Variants in AURKB observed in about 807,000 individuals in gnomAD.
AURKB encodes aurora kinase B, also known as aurora kinase B-Sv1.
In AURKB, 28 loss-of-function variants were observed where a neutral mutation model predicts 36.5. The ratio of observed to expected loss-of-function variants is 0.77; its 90% CI spans 0.57 to 1.05. AURKB has a LOEUF of 1.05. AURKB is among the 50% of genes least tolerant of loss of function. The pLI is 0.00. For synonymous variants in AURKB, 175 were observed against 172.9 expected (o/e 1.01, Z -0.09); for missense variants, 383 against 447.4 (o/e 0.86, Z 1.30).
chr17:8,204,764 C>A lies in AURKB; in HGVS notation c.*107G>T. 1 of 1,447,248 alleles carries A rather than the reference C, an allele frequency of 6.9e-7. No individual in the cohort carries two copies. The highest frequency in any genetic ancestry group is 9.5e-7 in the Non-Finnish European group (1 of 1,055,762). 89.7% of individuals were successfully genotyped at this position (1,447,248 alleles called of 1,614,324 possible). A position where few individuals can be genotyped will look rare whatever the true frequency, so the allele number is the denominator to read the frequency against. On this transcript the variant is annotated 3_prime_UTR_variant, in exon 9 of 9. Transcript: ENST00000585124. ...ACAAAAAGCTTCAGCCTTTATTAAA[C>A]AAAGGAGGAGGTAGAAAACAGATAA...
chr17:8,209,984 C>T (rs1985889188), intron 2 of AURKB, 193 bp downstream of exon 2: 4 of 687,320 alleles, frequency 5.8e-6, no homozygotes, highest in South Asian at 3.6e-5. Context: ...GTCAGATTCA[C>T]GTTGGCAGCA....
At chr17:8,207,539 C>T (rs1985496515) in intron 4 of AURKB, 32 bp downstream of exon 4, 1 of 1,608,362 alleles carries the variant, frequency 6.2e-7, no homozygotes, top group Non-Finnish European at 8.5e-7. Flanking sequence ...TGTCCCCTCA[C>T]CCCCGTCCAC....
rs1985970988 is a variant in AURKB, at chr17:8,210,565, C to A, written c.-61G>T. 1 of 368,830 alleles carries A rather than the reference C, an allele frequency of 2.7e-6. No individual in the cohort carries two copies. Among genetic ancestry groups the A allele is most frequent in the Non-Finnish European group, 4.9e-6 (1 of 202,724 alleles). 22.8% of individuals were successfully genotyped at this position (368,830 alleles called of 1,614,324 possible). A position where few individuals can be genotyped will look rare whatever the true frequency, so the allele number is the denominator to read the frequency against. Reference sequence around the variant, plus strand: ...AGGCACTGCTACTCTCCCGGCCGCCCGCAAACAACTGAATCTGCCACGCCG... The same window carrying A: ...AGGCACTGCTACTCTCCCGGCCGCCAGCAAACAACTGAATCTGCCACGCCG... On this transcript the variant is annotated 5_prime_UTR_variant, in exon 1 of 9. Coordinates refer to ENST00000585124, the MANE Select transcript of AURKB (RefSeq NM_004217.4).
At chr17:8,205,417 G>C in intron 7 of AURKB, 27 bp from the exon 8 acceptor site, 1 of 1,609,304 alleles carries the variant, frequency 6.2e-7, no homozygotes, top group East Asian at 2.2e-5. Flanking sequence ...GCGTGGGCAG[G>C]GGTCCTAGTG....
At chr17:8,207,454 T>G (rs972706964) in intron 4 of AURKB, 87 bp from the exon 5 acceptor site, 27 of 1,555,064 alleles carry the variant, frequency 1.7e-5, no homozygotes, top group Admixed American at 3.6e-5. Flanking sequence ...TCCCATCCTG[T>G]CCTCCGCCCC....
chr17:8,205,209 C>G lies in AURKB; in HGVS notation c.861+7G>C. The G allele has an allele frequency of 6.2e-7, 1 of 1,609,514 alleles. No individual in the cohort carries two copies. Among genetic ancestry groups the G allele is most frequent in the Non-Finnish European group, 8.5e-7 (1 of 1,177,090 alleles). On this transcript the variant is annotated splice_region_variant and intron_variant, in intron 8 of 8. Coordinates refer to ENST00000585124, the MANE Select transcript of AURKB (RefSeq NM_004217.4). ...CAGCTGGCACGAAGCCCAGGCCGCC[C>G]TCCCACCTTGACGATGCGGCGATAG... is the stretch of plus-strand genomic sequence containing the variant.
intron 2 of AURKB, 125 bp downstream of exon 2, chr17:8,210,052 C>T (rs1336136952): frequency 2.3e-6 from 3 of 1,303,758 alleles, no homozygotes; most frequent in Non-Finnish European, 1.1e-6. Flanking sequence ...ACTTGGGACC[C>T]GTACTTTGGA....
intron 2 of AURKB, chr17:8,208,285 C>T (rs1416412526): frequency 4.5e-5 from 7 of 155,748 alleles, no homozygotes; most frequent in South Asian, 1.8e-4. Context: ...ATTAGCTGGC[C>T]GTGGTGGCAC....
chr17:8,204,998 A>C lies in AURKB; in HGVS notation c.908T>G (p.Leu303Arg), dbSNP rs749106198. ...GTTATGCCTGAGCAGTTTGGAGATG[A>C]GGTCCTGGGCTCCCATGGGCACGGA... Reference protein sequence around the residue: ...PASVPMGAQDLISKLLRHNPS... With the variant: ...PASVPMGAQDRISKLLRHNPS... The change falls in exon 9 of 9, where the codon CTC becomes CGC. Residue 303 changes from leucine to arginine, a missense_variant. Leu to Arg is a moderately radical substitution (Grantham distance 102). Around this residue, in one of 3 missense-constraint regions of AURKB, gnomAD observed 219 missense variants for 252.6 expected, o/e 0.87. Coordinates refer to ENST00000585124, the MANE Select transcript of AURKB (RefSeq NM_004217.4). 6.2e-7 allele frequency: 1 copy of C among 1,604,792 alleles called. No homozygotes were observed. Among genetic ancestry groups the C allele is most frequent in the African/African-American group, 1.4e-5 (1 of 73,940 alleles).
At chr17:8,209,059 T>G (rs1270736067) in intron 2 of AURKB, among the ~76,000 whole-genome samples, 2 of 151,812 alleles carry the variant, frequency 1.3e-5, no homozygotes, top group Non-Finnish European at 2.9e-5. Flanking sequence ...CTCGCTCTAT[T>G]ACCCAGGCTG....
chr17:8,205,780 TGA>T (rs900447443), intron 7 of AURKB, among the ~76,000 whole-genome samples: 3 of 152,102 alleles, frequency 2.0e-5, no homozygotes, highest in African/African-American at 7.2e-5. Flanking sequence ...GGGCTTTTTT[TGA>T]GAGAGTCCAG....
intron 4 of AURKB, 34 bp from the exon 5 acceptor site, chr17:8,207,401 C>T (rs370765567): frequency 1.0e-5 from 16 of 1,603,892 alleles, no homozygotes; most frequent in African/African-American, 5.4e-5. Context: ...AACTCAGAAC[C>T]GGTTTTGGTT....
At chr17:8,207,532 C>T (rs1321666030) in intron 4 of AURKB, 39 bp downstream of exon 4, 2 of 1,603,826 alleles carry the variant, frequency 1.2e-6, no homozygotes, top group Admixed American at 3.4e-5. Context: ...TGTTCATTGT[C>T]CCCTCACCCC....
Position 8,204,842 on chromosome 17 carries a change from A to C in AURKB, c.*29T>G. The stretch of plus-strand genomic sequence containing the variant: ...CCTATACATACACAGACATACAAAC[A>C]CACGCACCCGAGTGAATGACAGGGA... On this transcript the variant is annotated 3_prime_UTR_variant, in exon 9 of 9. Coordinates refer to ENST00000585124, the MANE Select transcript of AURKB (RefSeq NM_004217.4). 6.2e-7 allele frequency: 1 copy of C among 1,610,690 alleles called. No individual in the cohort carries two copies. The highest frequency in any genetic ancestry group is 1.1e-5 in the South Asian group (1 of 90,988).
Position 8,207,253 on chromosome 17 carries a change from G to C in AURKB, c.321C>G (p.Val107=). 1 of 1,614,150 alleles carries C rather than the reference G, an allele frequency of 6.2e-7. No homozygotes were observed. Among genetic ancestry groups the C allele is most frequent in the Non-Finnish European group, 8.5e-7 (1 of 1,180,022 alleles). Residue 107 remains valine, a synonymous_variant, in exon 5 of 9, where the codon GTC becomes GTG. Coordinates refer to ENST00000585124, the MANE Select transcript of AURKB (RefSeq NM_004217.4). ...KKSHFIVALK[V]LFKSQIEKEG... ...CCTTCTCTATCTGGGACTTGAAGAGGACCTTGAGCGCCACGATGAAATGGC... is the reference window on the plus strand; with the variant it reads ...CCTTCTCTATCTGGGACTTGAAGAGCACCTTGAGCGCCACGATGAAATGGC...
Position 8,207,822 on chromosome 17 carries a change from T to G in AURKB, c.67A>C (p.Thr23Pro), listed in dbSNP as rs1471615513. The G allele has an allele frequency of 6.2e-7, 1 of 1,613,286 alleles. No homozygotes were observed. The highest frequency in any genetic ancestry group is 8.5e-7 in the Non-Finnish European group (1 of 1,179,784). ...TTCCGGAGGACTCGCTGGGGCAGGG[T>G]GCTCAGGCCAGATGGAGCCTGAGAA... ...GRQTAPSGLS[T>P]LPQRVLRKEP... Residue 23 changes from threonine (T) to proline (P), a missense_variant, in exon 3 of 9, where the codon ACC (threonine) becomes CCC (proline). Physicochemically the swap from Thr to Pro is conservative, Grantham distance 38. This residue lies in a region of AURKB where 105 missense variants were observed against 95.7 expected (regional missense o/e 1.10). Coordinates refer to ENST00000585124, the MANE Select transcript of AURKB (RefSeq NM_004217.4).
intron 8 of AURKB, 67 bp from the exon 9 acceptor site, chr17:8,205,111 A>G: frequency 6.5e-7 from 1 of 1,546,598 alleles, no homozygotes. Context: ...TTGACTACCC[A>G]TTCTGTTTGG....
rs1424983703 is a variant in AURKB, at chr17:8,207,260, A to G, written c.314T>C (p.Leu105Pro). The G allele has an allele frequency of 2.5e-5, 40 of 1,614,004 alleles. No homozygotes were observed. Among genetic ancestry groups the G allele is most frequent in the Non-Finnish European group, 3.1e-5 (37 of 1,180,032 alleles). ...REKKSHFIVA[L>P]KVLFKSQIEK... ...TATCTGGGACTTGAAGAGGACCTTGAGCGCCACGATGAAATGGCTTTTCTT... is the reference window on the plus strand; with the variant it reads ...TATCTGGGACTTGAAGAGGACCTTGGGCGCCACGATGAAATGGCTTTTCTT... The change falls in exon 5 of 9, where the codon CTC (leucine) becomes CCC (proline). Residue 105 changes from leucine to proline, a missense_variant. Leu to Pro is a moderately conservative substitution (Grantham distance 98). Coordinates refer to ENST00000585124, the MANE Select transcript of AURKB (RefSeq NM_004217.4).
At chr17:8,207,065 G>T in intron 5 of AURKB, 111 bp downstream of exon 5, 1 of 1,437,866 alleles carries the variant, frequency 7.0e-7, no homozygotes. Context: ...GAGCTAAATG[G>T]GGCTCACTAG....
Sources: gnomAD v4.1 joint callset for allele counts (sites outside exome capture counted in the v4.1 genomes callset) on GRCh38, gnomAD v4.1.1 for gene constraint, gnomAD v4.1.1 regional missense constraint, MANE v1.5 for transcripts, NCBI Gene and HGNC (gene_info 2026-07-23, HGNC 2026-07-21) for gene names.